ZDHHC14: variants seen among roughly 807,000 people sequenced by gnomAD.
ZDHHC14 encodes zDHHC palmitoyltransferase 14.
Under a neutral mutation model 47.7 loss-of-function variants are expected in ZDHHC14, and 16 were observed. That is an observed-to-expected ratio of 0.34 (90% CI 0.23 to 0.51). The LOEUF is 0.51. Ranked by LOEUF, ZDHHC14 falls within the 20% of genes least tolerant of loss-of-function variation. ZDHHC14 has a pLI of 0.97. For missense variants in ZDHHC14, 515 were observed against 662.5 expected (o/e 0.78, Z 2.44); for synonymous variants, 293 against 278.9 (o/e 1.05, Z -0.50).
chr6:157,537,206 C>T (rs1364246433), intron 1 of ZDHHC14, among the ~76,000 whole-genome samples: 1 of 152,182 alleles, frequency 6.6e-6, no homozygotes, highest in African/African-American at 2.4e-5. Context: ...GATAATATAG[C>T]GCCCAGAAAA....
chr6:157,406,604 C>A (rs1462934363), intron 1 of ZDHHC14, among the ~76,000 whole-genome samples: 1 of 152,152 alleles, frequency 6.6e-6, no homozygotes, highest in East Asian at 1.9e-4. Context: ...GAAAGTCACT[C>A]CTTCTTCAAA....
intron 2 of ZDHHC14, among the ~76,000 whole-genome samples, chr6:157,591,338 A>C (rs1040850789): frequency 7.2e-5 from 11 of 152,172 alleles, no homozygotes; most frequent in African/African-American, 1.2e-4. Flanking sequence ...TAATCTGTAC[A>C]TGTCATGGGA....
intron 6 of ZDHHC14, 106 bp from the exon 7 acceptor site, chr6:157,647,153 A>C: frequency 1.3e-6 from 1 of 760,306 alleles, no homozygotes; most frequent in Non-Finnish European, 2.2e-6. Context: ...ATTTCTTTGG[A>C]TTAAAGATGA....
At chr6:157,608,196 G>A (rs1048220937) in intron 3 of ZDHHC14, among the ~76,000 whole-genome samples, 3 of 152,178 alleles carry the variant, frequency 2.0e-5, no homozygotes, top group African/African-American at 4.8e-5. Context: ...CTCAGGGGGC[G>A]TCCTCAGAGC....
At chr6:157,561,326 C>T (rs915344281) in intron 2 of ZDHHC14, among the ~76,000 whole-genome samples, 11 of 152,268 alleles carry the variant, frequency 7.2e-5, no homozygotes, top group Admixed American at 5.9e-4. Context: ...TGCCAGGACA[C>T]GGTCTAGGCT....
rs185830955 is a variant in ZDHHC14, at chr6:157,658,652, T to C, written c.1068+5025T>C. Among the ~76,000 whole-genome samples, 68 of 152,360 alleles carry C rather than the reference T, an allele frequency of 4.5e-4. 1 individual carries two copies. The highest frequency in any genetic ancestry group is 1.3e-3 in the African/African-American group (56 of 41,582). The stretch of plus-strand genomic sequence containing the variant: ...TTATTTGTCTCCTATTTCTTGAATT[T>C]ATGGGATAAATCCTACTTGGCCATG... On this transcript the variant is annotated intron_variant, in intron 8 of 8. Coordinates refer to ENST00000359775, the MANE Select transcript of ZDHHC14 (RefSeq NM_024630.3).
intron 1 of ZDHHC14, among the ~76,000 whole-genome samples, chr6:157,490,292 C>T (rs977373406): frequency 6.6e-6 from 1 of 152,146 alleles, no homozygotes; most frequent in African/African-American, 2.4e-5. Flanking sequence ...GTTTTAAATG[C>T]TTGAATCTGA....
chr6:157,459,459 A>G (rs1255886883), intron 1 of ZDHHC14, among the ~76,000 whole-genome samples: 1 of 152,230 alleles, frequency 6.6e-6, no homozygotes, highest in Admixed American at 6.5e-5. Flanking sequence ...TATGAGTCAC[A>G]GAAGAACAAG....
chr6:157,621,537 C>A (rs1356888268), intron 3 of ZDHHC14, among the ~76,000 whole-genome samples: 1 of 152,200 alleles, frequency 6.6e-6, no homozygotes, highest in African/African-American at 2.4e-5. Context: ...CCTGACCAAG[C>A]TGAGCCACCG....
At chr6:157,475,363 T>C (rs1267453119) in intron 1 of ZDHHC14, among the ~76,000 whole-genome samples, 2 of 152,164 alleles carry the variant, frequency 1.3e-5, no homozygotes, top group East Asian at 3.8e-4. Context: ...TCTTTTGTGG[T>C]TCCATATGGA....
intron 3 of ZDHHC14, among the ~76,000 whole-genome samples, chr6:157,602,507 A>C (rs1260424857): frequency 1.6e-5 from 1 of 63,192 alleles, no homozygotes; most frequent in East Asian, 3.2e-4. Flanking sequence ...AAAAAAAAAA[A>C]ACGCATTCAG....
At chr6:157,456,603 A>G (rs1336969330) in intron 1 of ZDHHC14, among the ~76,000 whole-genome samples, 1 of 152,250 alleles carries the variant, frequency 6.6e-6, no homozygotes, top group Non-Finnish European at 1.5e-5. Flanking sequence ...TCTCCCTGGC[A>G]GTACGAGCTG....
At position 157,676,786 on chromosome 6, in the gene ZDHHC14, G is replaced by A. The variant is rs1328583849; in HGVS notation, c.*3664G>A. On this transcript the variant is annotated 3_prime_UTR_variant, in exon 9 of 9. Coordinates refer to ENST00000359775, the MANE Select transcript of ZDHHC14 (RefSeq NM_024630.3). ...ACTACCCTGCAGCAAACGCTTCTCT[G>A]TAACCTGACTTCTCCCTTCAGACCT... is the stretch of plus-strand genomic sequence containing the variant. The A allele has an allele frequency of 6.6e-6, 1 of 152,318 alleles. No individual in the cohort carries two copies. The highest frequency in any genetic ancestry group is 2.4e-5 in the African/African-American group (1 of 41,466). The allele number at this position is 152,318 out of a possible 1,614,324, so 9.4% of individuals were successfully genotyped here.
intron 1 of ZDHHC14, among the ~76,000 whole-genome samples, chr6:157,444,411 C>T (rs1778619719): frequency 6.6e-6 from 1 of 152,132 alleles, no homozygotes; most frequent in African/African-American, 2.4e-5. Context: ...GGCATGGTGG[C>T]TCACGCCTGT....
intron 7 of ZDHHC14, among the ~76,000 whole-genome samples, chr6:157,650,468 C>T (rs1010943442): frequency 2.6e-5 from 4 of 152,036 alleles, no homozygotes; most frequent in Admixed American, 2.6e-4. Context: ...GTGTCCAGAG[C>T]TTCGCAGCAC....
chr6:157,656,421 G>A lies in ZDHHC14; in HGVS notation c.1068+2794G>A, dbSNP rs557690124. Among the ~76,000 whole-genome samples, 14 of 151,636 alleles carry A rather than the reference G, an allele frequency of 9.2e-5. No homozygotes were observed. In the East Asian group the frequency reaches 9.7e-4, roughly 11 times the overall value. On this transcript the variant is annotated intron_variant, in intron 8 of 8. Coordinates refer to ENST00000359775, the MANE Select transcript of ZDHHC14 (RefSeq NM_024630.3). ...ATGATCTCCACTCACTGTAACCTCCGTCTCCCAGGTTCAAGCCATTCTCCT... is the reference window on the plus strand; with the variant it reads ...ATGATCTCCACTCACTGTAACCTCCATCTCCCAGGTTCAAGCCATTCTCCT...
chr6:157,455,918 C>T lies in ZDHHC14; in HGVS notation c.245+73652C>T, dbSNP rs141699217. 3.6e-3 allele frequency among the ~76,000 whole-genome samples: 541 copies of T among 152,254 alleles called. 2 individuals carry two copies. The highest frequency in any genetic ancestry group is 6.5e-3 in the Non-Finnish European group (442 of 68,022). On this transcript the variant is annotated intron_variant, in intron 1 of 8. Coordinates refer to ENST00000359775, the MANE Select transcript of ZDHHC14 (RefSeq NM_024630.3). Reference sequence around the variant, plus strand: ...GCAGCTATCTCCGTGTCAATGGCATCCTTTGATAGTCGCAGTGGACCGGGT... The same window carrying T: ...GCAGCTATCTCCGTGTCAATGGCATTCTTTGATAGTCGCAGTGGACCGGGT...
chr6:157,391,608 A>C (rs1416424243), intron 1 of ZDHHC14, among the ~76,000 whole-genome samples: 1 of 152,156 alleles, frequency 6.6e-6, no homozygotes, highest in Non-Finnish European at 1.5e-5. Flanking sequence ...TATGGCCATT[A>C]ATGTGGGTTA....
chr6:157,438,787 A>T (rs964802635), intron 1 of ZDHHC14, among the ~76,000 whole-genome samples: 2 of 152,222 alleles, frequency 1.3e-5, no homozygotes, highest in African/African-American at 4.8e-5. Flanking sequence ...TGGTGTCAGG[A>T]TGTTAGAGTA....
Sources: gnomAD v4.1 joint callset for allele counts (sites outside exome capture counted in the v4.1 genomes callset) on GRCh38, gnomAD v4.1.1 for gene constraint, MANE v1.5 for transcripts, NCBI Gene and HGNC (gene_info 2026-07-23, HGNC 2026-07-21) for gene names.